The following SGO2 variants were observed in gnomAD, a reference collection of about 807,000 sequenced individuals.
SGO2 encodes the protein shugoshin-like 2.
In SGO2, 68 loss-of-function variants were observed where a neutral mutation model predicts 99.5. The ratio of observed to expected loss-of-function variants is 0.68; its 90% CI spans 0.56 to 0.84. The LOEUF is 0.84. Ranked by LOEUF, SGO2 falls within the 40% of genes least tolerant of loss-of-function variation. SGO2 has a pLI of 0.00. For synonymous variants in SGO2, 457 were observed against 487.1 expected, an observed-to-expected ratio of 0.94 and a Z score of 0.81; for missense variants, 1,350 against 1,436.7, an observed-to-expected ratio of 0.94 and a Z score of 0.97.
At chr2:200,574,385 A>G (rs1056209432) in intron 7 of SGO2, among the ~76,000 whole-genome samples, 2 of 152,096 alleles carry the variant, frequency 1.3e-5, no homozygotes, top group Admixed American at 1.3e-4. Context: ...TCAACAACGT[A>G]TATTTAATGT....
intron 1 of SGO2, 59 bp from the exon 2 acceptor site, chr2:200,532,915 A>G (rs1043460644): frequency 3.9e-5 from 57 of 1,476,222 alleles, no homozygotes; most frequent in Non-Finnish European, 5.0e-5. Context: ...AAATGTATTT[A>G]TCAGTTATAC....
chr2:200,557,341 T>C (rs190501308), intron 5 of SGO2, among the ~76,000 whole-genome samples: 1 of 152,128 alleles, frequency 6.6e-6, no homozygotes, highest in South Asian at 2.1e-4. Context: ...TCCCCTAAGT[T>C]GGGCCTCTAA....
chr2:200,571,828 A>G lies in SGO2; in HGVS notation c.1482A>G (p.Lys494=), dbSNP rs1361933243. ...ATGTACTGTGTAATAAAAAGGAGAA[A>G]AGAATAACAAATGAGCAAGAGGAAA... ...RENVLCNKKE[K]RITNEQEETY... is the part of the protein sequence containing the mutation. The change falls in exon 7 of 9, where the codon AAA becomes AAG. Residue 494 remains lysine (K), a synonymous_variant. Transcript: ENST00000357799. 6.2e-7 allele frequency: 1 copy of G among 1,613,336 alleles called. No individual in the cohort carries two copies. The highest frequency in any genetic ancestry group is 2.2e-5 in the East Asian group (1 of 44,876).
In SGO2 at chr2:200,532,857, C is replaced by T. The variant is rs943585213; in HGVS notation, c.-2-117C>T. 6 of 1,059,976 alleles carry T rather than the reference C, an allele frequency of 5.7e-6. No homozygotes were observed. The African/African-American group carries it at 8.4e-5, about 15-fold the overall frequency. 65.7% of individuals were successfully genotyped at this position (1,059,976 alleles called of 1,614,324 possible). A position where few individuals can be genotyped will look rare whatever the true frequency, so the allele number is the denominator to read the frequency against. ...CTTTCAGATTTTATGTAAAGTTTAG[C>T]AAATACTTAATGCACAAAGTATATT... On this transcript the variant is annotated intron_variant, in intron 1 of 8. Coordinates refer to ENST00000357799, the MANE Select transcript of SGO2 (RefSeq NM_152524.6).
At chr2:200,580,214 A>G (rs1053553613) in intron 8 of SGO2, among the ~76,000 whole-genome samples, 2 of 152,294 alleles carry the variant, frequency 1.3e-5, no homozygotes, top group Middle Eastern at 6.8e-3. Context: ...TTTGCATAAA[A>G]GTCTGCAAAG....
chr2:200,573,922 G>A lies in SGO2; in HGVS notation c.3576G>A (p.Glu1192=), dbSNP rs1341245009. The change falls in exon 7 of 9, where the codon GAG becomes GAA. Residue 1192 remains glutamate, a synonymous_variant. Coordinates refer to ENST00000357799, the MANE Select transcript of SGO2 (RefSeq NM_152524.6). ...PAFQVSDDEH[E]KMNKMKFKVN... ...TTCAAGTAAGTGATGATGAGCATGA[G>A]AAGATGAACAAGATGAAATTTAAAG... 1 of 1,605,662 alleles carries A rather than the reference G, an allele frequency of 6.2e-7. No homozygotes were observed. Among genetic ancestry groups the A allele is most frequent in the Non-Finnish European group, 8.5e-7 (1 of 1,177,708 alleles).
chr2:200,566,935 T>G (rs980746096), intron 5 of SGO2, among the ~76,000 whole-genome samples: 4 of 152,176 alleles, frequency 2.6e-5, no homozygotes, highest in African/African-American at 9.7e-5. Context: ...AGTATTAGGG[T>G]GGGAGTGACC....
intron 5 of SGO2, among the ~76,000 whole-genome samples, chr2:200,563,393 T>C (rs929457439): frequency 2.0e-5 from 3 of 152,214 alleles, no homozygotes; most frequent in Non-Finnish European, 4.4e-5. Context: ...CAGCCTTGTA[T>C]CCCAGGGATG....
At chr2:200,536,512 A>G (rs908558009) in intron 4 of SGO2, among the ~76,000 whole-genome samples, 4 of 151,972 alleles carry the variant, frequency 2.6e-5, no homozygotes, top group East Asian at 1.9e-4. Context: ...AAAACTGGGG[A>G]AAAAAATAGA....
In SGO2 at chr2:200,544,986, A is replaced by AT. The variant is rs1005942077; in HGVS notation, c.473+2328dup. The stretch of plus-strand genomic sequence containing the variant: ...TACTTTCTATTGGGTTATCTGTCAT[A>AT]TTTTTTAAGGTGTTCTTTGTATACA... On this transcript the variant is annotated intron_variant, in intron 5 of 8. Transcript: ENST00000357799. Among the ~76,000 whole-genome samples the AT allele has an allele frequency of 2.0e-5, 3 of 151,878 alleles. No homozygotes were observed. The South Asian group carries it at 6.2e-4, about 32-fold the overall frequency.
At chr2:200,556,466 T>C (rs1411263128) in intron 5 of SGO2, among the ~76,000 whole-genome samples, 1 of 152,176 alleles carries the variant, frequency 6.6e-6, no homozygotes, top group Non-Finnish European at 1.5e-5. Context: ...GTACATGATA[T>C]TTTCAAGGAG....
chr2:200,568,382 A>C (rs187901029), intron 5 of SGO2, among the ~76,000 whole-genome samples: 69 of 152,290 alleles, frequency 4.5e-4, no homozygotes, highest in Admixed American at 2.0e-3. Context: ...GAAAATGTAG[A>C]TTCAGTTATG....
chr2:200,552,062 G>C (rs893489750), intron 5 of SGO2, among the ~76,000 whole-genome samples: 2 of 152,054 alleles, frequency 1.3e-5, no homozygotes, highest in Non-Finnish European at 2.9e-5. Flanking sequence ...GTTCAGTGCA[G>C]GGACAACGGA....
At chr2:200,533,674 A>G (rs1399540066) in intron 2 of SGO2, among the ~76,000 whole-genome samples, 2 of 151,942 alleles carry the variant, frequency 1.3e-5, no homozygotes, top group African/African-American at 4.8e-5. Flanking sequence ...ACTCCCCAAG[A>G]TAAATTTTCA....
In SGO2 at chr2:200,572,549, A is replaced by G. The variant is rs1361412590; in HGVS notation, c.2203A>G (p.Ile735Val). The part of the protein sequence containing the change: ...EVNHLDNDKS[I>V]EYTVKSHSLF... Reference sequence around the variant, plus strand: ...GAATCATTTAGATAATGACAAAAGTATAGAATACACAGTTAAAAGTCACTC... The same window carrying G: ...GAATCATTTAGATAATGACAAAAGTGTAGAATACACAGTTAAAAGTCACTC... The change falls in exon 7 of 9, where the codon ATA becomes GTA. Residue 735 changes from isoleucine to valine, a missense_variant. Coordinates refer to ENST00000357799, the MANE Select transcript of SGO2 (RefSeq NM_152524.6). The G allele has an allele frequency of 6.2e-7, 1 of 1,612,168 alleles. No individual in the cohort carries two copies. Among genetic ancestry groups the G allele is most frequent in the African/African-American group, 1.3e-5 (1 of 74,840 alleles).
chr2:200,573,661 A>C lies in SGO2; in HGVS notation c.3315A>C (p.Gly1105=), dbSNP rs751007129. ...AAAGAATACTTGACAGCGTTCAGGGAAAGTCTACTGTATCTGAACAAGCTG... is the reference window on the plus strand; with the variant it reads ...AAAGAATACTTGACAGCGTTCAGGGCAAGTCTACTGTATCTGAACAAGCTG... The part of the protein sequence containing the change: ...VMERILDSVQ[G]KSTVSEQADK... The change falls in exon 7 of 9, where the codon GGA becomes GGC. Residue 1105 remains glycine (G), a synonymous_variant. Transcript: ENST00000357799. 1.2e-6 allele frequency: 2 copies of C among 1,613,360 alleles called. No individual in the cohort carries two copies. The highest frequency in any genetic ancestry group is 2.2e-5 in the East Asian group (1 of 44,846).
At chr2:200,540,050 A>G (rs1264441107) in intron 4 of SGO2, among the ~76,000 whole-genome samples, 2 of 148,206 alleles carry the variant, frequency 1.3e-5, no homozygotes, top group East Asian at 4.0e-4. Context: ...TTCAGTTCTG[A>G]GCTCCATTCG....
At chr2:200,542,514 C>T in intron 4 of SGO2, 65 bp from the exon 5 acceptor site, 1 of 1,214,700 alleles carries the variant, frequency 8.2e-7, no homozygotes, top group Non-Finnish European at 1.2e-6. Context: ...TAATTTGGTA[C>T]TGTGATAACT....
chr2:200,562,966 G>A (rs928106562), intron 5 of SGO2, among the ~76,000 whole-genome samples: 6 of 152,144 alleles, frequency 3.9e-5, no homozygotes, highest in Admixed American at 6.6e-5. Flanking sequence ...GGGCTGAGAC[G>A]ATGAGGTTTT....
Sources: gnomAD v4.1 joint callset for allele counts (sites outside exome capture counted in the v4.1 genomes callset) on GRCh38, gnomAD v4.1.1 for gene constraint, MANE v1.5 for transcripts, NCBI Gene and HGNC (gene_info 2026-07-23, HGNC 2026-07-21) for gene names.